RBBP8NL: variants seen among roughly 807,000 people sequenced by gnomAD.
RBBP8NL encodes RBBP8 N-terminal-like protein.
RBBP8NL carries 59 observed loss-of-function variants against 62.2 expected under a neutral mutation model. That is an observed-to-expected ratio of 0.95 (90% CI 0.77 to 1.18). RBBP8NL has a LOEUF of 1.18. RBBP8NL is among the 50% of genes most tolerant of loss of function. The probability of loss-of-function intolerance (pLI) is 0.00; values close to 1 mark genes in which losing one functional copy is unlikely to be tolerated. For missense variants in RBBP8NL, 896 were observed against 899.5 expected, an observed-to-expected ratio of 1.00 and a Z score of 0.05; for synonymous variants, 412 against 394.1, an observed-to-expected ratio of 1.05 and a Z score of -0.54.
At chr20:62,416,083 C>T in intron 6 of RBBP8NL, 81 bp downstream of exon 6, 3 of 1,491,374 alleles carry the variant, frequency 2.0e-6, no homozygotes, top group African/African-American at 1.4e-5. Flanking sequence ...ATGGGCGGTT[C>T]CCCCAGGGAC....
chr20:62,413,249 G>C, intron 11 of RBBP8NL, 152 bp downstream of exon 11: 1 of 1,045,196 alleles, frequency 9.6e-7, no homozygotes, highest in South Asian at 1.9e-5. Context: ...AGGTGGAAGA[G>C]CCAAGCCCTG....
intron 11 of RBBP8NL, 54 bp from the exon 12 acceptor site, chr20:62,412,954 C>T (rs17824418): frequency 0.024 from 37,572 of 1,592,722 alleles, 557 homozygotes; most frequent in Admixed American, 0.067. Flanking sequence ...GGGAGTCTCC[C>T]GAGCCTGCCA....
intron 3 of RBBP8NL, 97 bp from the exon 4 acceptor site, chr20:62,417,416 CT>C (rs1342465911): frequency 2.1e-6 from 2 of 934,862 alleles, no homozygotes; most frequent in African/African-American, 4.8e-5. Flanking sequence ...GATTCGGCAC[CT>C]GCAGCCTTGG....
intron 2 of RBBP8NL, among the ~76,000 whole-genome samples, chr20:62,419,048 G>A (rs1988642782): frequency 6.6e-6 from 1 of 152,072 alleles, no homozygotes; most frequent in Non-Finnish European, 1.5e-5. Context: ...GTCCCTCGTG[G>A]GGGAAGTGGA....
intron 10 of RBBP8NL, 112 bp downstream of exon 10, chr20:62,413,709 A>T: frequency 7.0e-7 from 1 of 1,436,478 alleles, no homozygotes; most frequent in East Asian, 2.4e-5. Flanking sequence ...TCCCTGGGAA[A>T]CAACTTGGTG....
At position 62,419,745 on chromosome 20, in the gene RBBP8NL, G is replaced by C; in HGVS notation, c.-83-15C>G. On this transcript the variant is annotated splice_polypyrimidine_tract_variant and intron_variant, in intron 1 of 13. Transcript: ENST00000252998. ...CTGTGTCCATCCTGAAGAGGAGGAA[G>C]AGGGGACAGGGATCCGCTCAGGAAG... 3.0e-6 allele frequency: 4 copies of C among 1,339,160 alleles called. No individual in the cohort carries two copies. The highest frequency in any genetic ancestry group is 4.2e-6 in the Non-Finnish European group (4 of 948,666). The allele number at this position is 1,339,160 out of a possible 1,614,324, so 83.0% of individuals were successfully genotyped here.
In RBBP8NL at chr20:62,417,452, GC is replaced by G. The variant is rs567261102; in HGVS notation, c.105-134del. On this transcript the variant is annotated intron_variant, in intron 3 of 13. Transcript: ENST00000252998. ...GTCTGGGGGCAACGCCTAACCCGGT[GC>G]CCCCCTCCCAGTCATCTGCACGCTC... 9.4e-4 allele frequency: 598 copies of G among 638,964 alleles called. 15 individuals carry two copies. The South Asian group carries it at 0.011, about 12-fold the overall frequency. 39.6% of individuals were successfully genotyped at this position (638,964 alleles called of 1,614,324 possible). A position where few individuals can be genotyped will look rare whatever the true frequency, so the allele number is the denominator to read the frequency against.
At chr20:62,420,163 CTG>C (rs1257797490) in intron 1 of RBBP8NL, among the ~76,000 whole-genome samples, 2 of 152,270 alleles carry the variant, frequency 1.3e-5, no homozygotes, top group Admixed American at 1.3e-4. Context: ...ACCTGCCCAG[CTG>C]TGAAGCTGGG....
intron 1 of RBBP8NL, among the ~76,000 whole-genome samples, chr20:62,426,070 G>T (rs1988800336): frequency 2.0e-5 from 3 of 151,982 alleles, no homozygotes; most frequent in African/African-American, 7.2e-5. Context: ...AGTGGCAGTG[G>T]TGACAGTGGC....
At position 62,415,616 on chromosome 20, in the gene RBBP8NL, G is replaced by A. The variant is rs767716272; in HGVS notation, c.589C>T (p.Pro197Ser). 35 of 1,612,838 alleles carry A rather than the reference G, an allele frequency of 2.2e-5. No homozygotes were observed. Among genetic ancestry groups the A allele is most frequent in the Non-Finnish European group, 1.9e-5 (22 of 1,179,930 alleles). Residue 197 changes from proline (P) to serine (S), a missense_variant, in exon 8 of 14, where the codon CCA becomes TCA. Coordinates refer to ENST00000252998, the MANE Select transcript of RBBP8NL (RefSeq NM_080833.3). ...HRTSPVAKISPGATLPESRAP... is the reference protein window; with the variant it reads ...HRTSPVAKISSGATLPESRAP... ...CGCGACTCAGGCAGGGTGGCCCCTGGGGAGATTTTGGCCACTGGAGATGTC... is the reference window on the plus strand; with the variant it reads ...CGCGACTCAGGCAGGGTGGCCCCTGAGGAGATTTTGGCCACTGGAGATGTC...
In RBBP8NL at chr20:62,410,762, C is replaced by T. The variant is rs1362943036; in HGVS notation, c.*116G>A. 1.4e-6 allele frequency: 1 copy of T among 725,560 alleles called. No homozygotes were observed. The highest frequency in any genetic ancestry group is 2.4e-6 in the Non-Finnish European group (1 of 424,192). 44.9% of individuals were successfully genotyped at this position (725,560 alleles called of 1,614,324 possible). On this transcript the variant is annotated 3_prime_UTR_variant, in exon 14 of 14. Coordinates refer to ENST00000252998, the MANE Select transcript of RBBP8NL (RefSeq NM_080833.3). ...TGGGTTCAGCTGAGGCTGGCTAGGT[C>T]TTCTCCCAGGGTTCTGTGCAGGGCT...
In RBBP8NL at chr20:62,415,641, C is replaced by A. The variant is rs775616786; in HGVS notation, c.564G>T (p.Arg188Ser). 1.9e-6 allele frequency: 3 copies of A among 1,613,008 alleles called. No homozygotes were observed. The highest frequency in any genetic ancestry group is 1.7e-6 in the Non-Finnish European group (2 of 1,179,912). The change falls in exon 8 of 14, where the codon AGG becomes AGT. Residue 188 changes from arginine to serine, a missense_variant. Coordinates refer to ENST00000252998, the MANE Select transcript of RBBP8NL (RefSeq NM_080833.3). ...LRGEEKPAGH[R>S]TSPVAKISPG... Reference sequence around the variant, plus strand: ...GGGAGATTTTGGCCACTGGAGATGTCCTGTGCCCTGCTGGCTTTTCTGTGG... The same window carrying A: ...GGGAGATTTTGGCCACTGGAGATGTACTGTGCCCTGCTGGCTTTTCTGTGG...
rs566384626 is a variant in RBBP8NL, at chr20:62,413,685, G to T, written c.1530+136C>A. 3.3e-5 allele frequency: 46 copies of T among 1,404,108 alleles called. 1 individual carries two copies. In the South Asian group the frequency reaches 5.8e-4, roughly 18 times the overall value. The allele number at this position is 1,404,108 out of a possible 1,614,324, so 87.0% of individuals were successfully genotyped here. A position where few individuals can be genotyped will look rare whatever the true frequency, so the allele number is the denominator to read the frequency against. ...CCTTTCCCTTTATAGTGTGGATGAG[G>T]CAGCCTCGCTTTCTCCCTGGGAAAC... On this transcript the variant is annotated intron_variant, in intron 10 of 13. Coordinates refer to ENST00000252998, the MANE Select transcript of RBBP8NL (RefSeq NM_080833.3).
At chr20:62,423,737 C>T (rs907292622) in intron 1 of RBBP8NL, among the ~76,000 whole-genome samples, 10 of 152,158 alleles carry the variant, frequency 6.6e-5, no homozygotes, top group South Asian at 2.1e-4. Flanking sequence ...TTTCTGTGCC[C>T]GAAACCACCT....
chr20:62,414,172 G>A lies in RBBP8NL; in HGVS notation c.1179C>T (p.Asp393=), dbSNP rs36032445. 956 of 1,609,410 alleles carry A rather than the reference G, an allele frequency of 5.9e-4. 5 individuals carry two copies. The African/African-American group carries it at 9.8e-3, about 16-fold the overall frequency. ...TCCCCTCATTCTCAGGGCCCTCAGA[G>A]TCTGAGCCGACTGGTAGGGAGGGCA... ...EMLPSLPVGS[D]SEGPENEGTR... Residue 393 remains aspartate (D), a synonymous_variant, in exon 10 of 14, where the codon GAC becomes GAT. Coordinates refer to ENST00000252998, the MANE Select transcript of RBBP8NL (RefSeq NM_080833.3).
rs372365436 is a variant in RBBP8NL, at chr20:62,421,859, CAT to C, written c.-83-2131_-83-2130del. On this transcript the variant is annotated intron_variant, in intron 1 of 13. Transcript: ENST00000252998. ...CGAGCCAGTGTGCATGTGTGTGTGC[CAT>C]GTGTGTGCATCTGTTTTTGCTCTGT... 7.4e-4 allele frequency among the ~76,000 whole-genome samples: 111 copies of C among 148,996 alleles called. 2 individuals carry two copies. The highest frequency in any genetic ancestry group is 2.0e-3 in the African/African-American group (82 of 40,376).
chr20:62,412,889 C>T lies in RBBP8NL; in HGVS notation c.1687G>A (p.Ala563Thr). 6.2e-7 allele frequency: 1 copy of T among 1,613,294 alleles called. No homozygotes were observed. Among genetic ancestry groups the T allele is most frequent in the Non-Finnish European group, 8.5e-7 (1 of 1,180,012 alleles). ...TCGGACTCTGGTCTCAGCACTTCAGCCTTGCTGGGCTCTGAAGGATGCAGA... is the reference window on the plus strand; with the variant it reads ...TCGGACTCTGGTCTCAGCACTTCAGTCTTGCTGGGCTCTGAAGGATGCAGA... ...DLDGHPEPSK[A>T]EVLRPESDEL... Residue 563 changes from alanine to threonine, a missense_variant, in exon 12 of 14, where the codon GCT becomes ACT. Coordinates refer to ENST00000252998, the MANE Select transcript of RBBP8NL (RefSeq NM_080833.3).
At chr20:62,414,790 C>T (rs1988524213) in intron 9 of RBBP8NL, among the ~76,000 whole-genome samples, 1 of 152,222 alleles carries the variant, frequency 6.6e-6, no homozygotes, top group Non-Finnish European at 1.5e-5. Context: ...GTGGTCTGGG[C>T]TCCAAGGTGG....
At chr20:62,425,135 G>T (rs1988779293) in intron 1 of RBBP8NL, among the ~76,000 whole-genome samples, 1 of 152,168 alleles carries the variant, frequency 6.6e-6, no homozygotes, top group Non-Finnish European at 1.5e-5. Context: ...CTCCTCACAG[G>T]TAATGCCTGT....
Sources: gnomAD v4.1 joint callset for allele counts (sites outside exome capture counted in the v4.1 genomes callset) on GRCh38, gnomAD v4.1.1 for gene constraint, MANE v1.5 for transcripts, NCBI Gene and HGNC (gene_info 2026-07-23, HGNC 2026-07-21) for gene names.